Variants in RAB40C observed in about 807,000 individuals in gnomAD.
The protein encoded by RAB40C is RAB40C, member RAS oncogene family.
RAB40C carries 8 observed loss-of-function variants against 28.1 expected under a neutral mutation model. The ratio of observed to expected loss-of-function variants is 0.28; its 90% CI spans 0.17 to 0.51. The LOEUF is 0.51. Among genes scored for constraint, RAB40C ranks in the 20% least tolerant of loss-of-function variants. The pLI is 0.97. For synonymous variants in RAB40C, 201 were observed against 171.7 expected (o/e 1.17, Z -1.34); for missense variants, 288 against 405.9 (o/e 0.71, Z 2.50).
chr16:594,562 G>A (rs2036070908), intron 1 of RAB40C, among the ~76,000 whole-genome samples: 1 of 152,124 alleles, frequency 6.6e-6, no homozygotes. Context: ...CTTGAAGTTC[G>A]TGGCTCCGAA....
chr16:620,511 A>G (rs1445664859), intron 3 of RAB40C, among the ~76,000 whole-genome samples: 7 of 152,352 alleles, frequency 4.6e-5, no homozygotes, highest in African/African-American at 1.2e-4. Flanking sequence ...TTGGTATTAA[A>G]AAATATGGGG....
At chr16:604,348 C>T (rs189387288) in intron 1 of RAB40C, among the ~76,000 whole-genome samples, 18 of 152,298 alleles carry the variant, frequency 1.2e-4, no homozygotes, top group African/African-American at 4.1e-4. Context: ...CAAATACGCA[C>T]GAGGCCTTCT....
intron 3 of RAB40C, among the ~76,000 whole-genome samples, chr16:619,769 G>A (rs531145013): frequency 1.3e-5 from 2 of 152,340 alleles, no homozygotes; most frequent in Non-Finnish European, 2.9e-5. Context: ...CTCTGGGCAG[G>A]AAGCTGCCCA....
At chr16:598,776 G>T (rs2036187614) in intron 1 of RAB40C, among the ~76,000 whole-genome samples, 1 of 152,066 alleles carries the variant, frequency 6.6e-6, no homozygotes. Flanking sequence ...GATGGAAGAA[G>T]AGAAGAGCTG....
At chr16:603,993 T>G (rs1359424473) in intron 1 of RAB40C, among the ~76,000 whole-genome samples, 1 of 152,228 alleles carries the variant, frequency 6.6e-6, no homozygotes, top group Non-Finnish European at 1.5e-5. Flanking sequence ...GATGCACATT[T>G]GGGTTATTTC....
In RAB40C at chr16:617,201, C is replaced by T. The variant is rs1237579567; in HGVS notation, c.143-7C>T. ...GCGTCCCCTCAGCGCCCTGTGCTTCCTCGCAGGGATCGACTACAAGACCAC... is the reference window on the plus strand; with the variant it reads ...GCGTCCCCTCAGCGCCCTGTGCTTCTTCGCAGGGATCGACTACAAGACCAC... On this transcript the variant is annotated splice_region_variant and splice_polypyrimidine_tract_variant and intron_variant, in intron 1 of 5. Transcript: ENST00000248139. The T allele has an allele frequency of 6.2e-7, 1 of 1,613,648 alleles. No individual in the cohort carries two copies. Among genetic ancestry groups the T allele is most frequent in the South Asian group, 1.1e-5 (1 of 91,072 alleles).
chr16:613,157 TGGCCTGTAGAATCAAGAGCAGGGACAGC>T, intron 1 of RAB40C, among the ~76,000 whole-genome samples: 15 of 138,120 alleles, frequency 1.1e-4, no homozygotes, highest in South Asian at 2.5e-4. Context: ...ACAGCCGCCC[TGGCCTGTAGAATCAAGAGCAGGGACAGC>T]CGCCCTCACC....
At chr16:626,488 TTG>T (rs563597554) in intron 5 of RAB40C, among the ~76,000 whole-genome samples, 1 of 152,184 alleles carries the variant, frequency 6.6e-6, no homozygotes, top group South Asian at 2.1e-4. Flanking sequence ...CAGCTTTGTG[TTG>T]TGTCATCTGC....
Position 590,151 on chromosome 16 carries a change from C to A in RAB40C, c.-141C>A. 2.4e-6 allele frequency: 1 copy of A among 415,014 alleles called. No homozygotes were observed. Among genetic ancestry groups the A allele is most frequent in the Non-Finnish European group, 3.2e-6 (1 of 311,126 alleles). 25.7% of individuals were successfully genotyped at this position (415,014 alleles called of 1,614,324 possible). A position where few individuals can be genotyped will look rare whatever the true frequency, so the allele number is the denominator to read the frequency against. The stretch of plus-strand genomic sequence containing the variant: ...CCGGGCGCGGGCGGGGCGGGGCCGG[C>A]GCTGGGCTTCGGGCGCGCCCACTCG... On this transcript the variant is annotated 5_prime_UTR_variant, in exon 1 of 6. Coordinates refer to ENST00000248139, the MANE Select transcript of RAB40C (RefSeq NM_021168.5).
At chr16:604,708 T>C (rs912530539) in intron 1 of RAB40C, among the ~76,000 whole-genome samples, 1 of 152,232 alleles carries the variant, frequency 6.6e-6, no homozygotes, top group African/African-American at 2.4e-5. Flanking sequence ...CGTTTTAATT[T>C]ATAAGCTTGC....
At chr16:618,375 A>G in intron 3 of RAB40C, 115 bp downstream of exon 3, 1 of 1,038,846 alleles carries the variant, frequency 9.6e-7, no homozygotes, top group Non-Finnish European at 1.4e-6. Flanking sequence ...TTATAAGGAT[A>G]TTCTCACATT....
intron 1 of RAB40C, among the ~76,000 whole-genome samples, chr16:601,815 TAAAAAAAAAAA>T (rs60094426): frequency 6.6e-4 from 18 of 27,200 alleles, no homozygotes; most frequent in South Asian, 3.3e-3. Flanking sequence ...CAAAAAAAAG[TAAAAAAAAAAA>T]AAAAAAAAAA....
intron 1 of RAB40C, among the ~76,000 whole-genome samples, chr16:606,670 T>C (rs966474035): frequency 7.9e-5 from 12 of 152,206 alleles, no homozygotes; most frequent in African/African-American, 2.9e-4. Flanking sequence ...CCTTGCTGGG[T>C]GCAAGCCGAG....
intron 1 of RAB40C, among the ~76,000 whole-genome samples, chr16:602,346 C>A (rs1033959942): frequency 1.3e-5 from 2 of 151,460 alleles, no homozygotes; most frequent in Admixed American, 1.3e-4. Context: ...CCTCAAATTC[C>A]AGGGTTCTAG....
In RAB40C at chr16:627,829, G is replaced by C. The variant is rs879345675; in HGVS notation, c.*207G>C. 4 of 525,108 alleles carry C rather than the reference G, an allele frequency of 7.6e-6. No homozygotes were observed. Among genetic ancestry groups the C allele is most frequent in the African/African-American group, 2.0e-5 (1 of 51,118 alleles). 32.5% of individuals were successfully genotyped at this position (525,108 alleles called of 1,614,324 possible). On this transcript the variant is annotated 3_prime_UTR_variant, in exon 6 of 6. Transcript: ENST00000248139. ...CGGGAGGAGGGGGCGCGGCTGGGCT[G>C]CTGGTGCTTCCGGGAATCTTGGTCG...
intron 3 of RAB40C, chr16:624,146 G>A: frequency 2.0e-6 from 2 of 985,436 alleles, no homozygotes; most frequent in Non-Finnish European, 2.4e-6. Flanking sequence ...CAGCGCCACT[G>A]TGACACACAT....
At chr16:622,253 T>A (rs1367253249) in intron 3 of RAB40C, among the ~76,000 whole-genome samples, 2 of 152,186 alleles carry the variant, frequency 1.3e-5, no homozygotes, top group Non-Finnish European at 2.9e-5. Context: ...CGTGCTCAGA[T>A]GCATATTGCC....
chr16:625,272 A>C, intron 3 of RAB40C, 160 bp from the exon 4 acceptor site: 1 of 1,447,566 alleles, frequency 6.9e-7, no homozygotes, highest in Non-Finnish European at 9.2e-7. Flanking sequence ...GCAGGGCTGC[A>C]CCAGCTCTGC....
In RAB40C at chr16:614,217, C is replaced by T. The variant is rs570843759; in HGVS notation, c.143-2991C>T. On this transcript the variant is annotated intron_variant, in intron 1 of 5. Coordinates refer to ENST00000248139, the MANE Select transcript of RAB40C (RefSeq NM_021168.5). ...TCCCTATGGTGAACTGCTAACTCTG[C>T]CGCATCCCGATGGTGAACTGCCTAA... Among the ~76,000 whole-genome samples, 262 of 149,758 alleles carry T rather than the reference C, an allele frequency of 1.7e-3. 2 individuals are homozygous for T. Among genetic ancestry groups the T allele is most frequent in the African/African-American group, 5.8e-3 (233 of 40,446 alleles).
Sources: gnomAD v4.1 joint callset for allele counts (sites outside exome capture counted in the v4.1 genomes callset) on GRCh38, gnomAD v4.1.1 for gene constraint, MANE v1.5 for transcripts, NCBI Gene and HGNC (gene_info 2026-07-23, HGNC 2026-07-21) for gene names.